The following TNN variants were observed in gnomAD, a reference collection of about 807,000 sequenced individuals.
The protein encoded by TNN is tenascin-N.
In TNN, 122 loss-of-function variants were observed where a neutral mutation model predicts 134.4. The observed-to-expected ratio is 0.91, with a 90% CI of 0.78 to 1.06. The LOEUF is 1.06. TNN is among the 50% of genes least tolerant of loss of function. The pLI is 0.00. For synonymous variants in TNN, 710 were observed against 670.3 expected, an observed-to-expected ratio of 1.06 and a Z score of -0.91; for missense variants, 1,739 against 1,699.4, an observed-to-expected ratio of 1.02 and a Z score of -0.41.
intron 8 of TNN, 112 bp downstream of exon 8, chr1:175,097,795 A>C: frequency 7.1e-7 from 1 of 1,410,172 alleles, no homozygotes; most frequent in Non-Finnish European, 9.6e-7. Context: ...AGAAGTCTTA[A>C]AGATGAAAGA....
chr1:175,077,574 G>A lies in TNN; in HGVS notation c.156G>A (p.Lys52=). 6.2e-7 allele frequency: 1 copy of A among 1,614,232 alleles called. No homozygotes were observed. Among genetic ancestry groups the A allele is most frequent in the Admixed American group, 1.7e-5 (1 of 60,038 alleles). Residue 52 remains lysine, a synonymous_variant, in exon 2 of 19, where the codon AAG becomes AAA. Transcript: ENST00000239462. The stretch of plus-strand genomic sequence containing the variant: ...ACACCTACAAGATCGATGTGCCCAA[G>A]TCTGCCTTGGTTCAGGTTGACGCTG... The part of the protein sequence containing the change: ...VSHTYKIDVP[K]SALVQVDADP...
chr1:175,082,775 C>T (rs545742351), intron 4 of TNN, among the ~76,000 whole-genome samples: 187 of 152,142 alleles, frequency 1.2e-3, no homozygotes, highest in Middle Eastern at 3.4e-3. Flanking sequence ...AAGGTGGGGG[C>T]GTGACTGATG....
In TNN at chr1:175,128,595, T is replaced by A. The variant is rs201502431; in HGVS notation, c.3179T>A (p.Val1060Asp). ...SRNVSTTLST[V>D]GARFPHPSDC... is the part of the protein sequence containing the mutation. ...AACACTCTCTCTGCTTGGCTCCCAG[T>A]TGGTGCCCGTTTCCCACACCCTTCG... is the stretch of plus-strand genomic sequence containing the variant. The change falls in exon 15 of 19, where the codon GTT (valine) becomes GAT (aspartate). Residue 1060 changes from valine (V) to aspartate (D), a missense_variant and splice_region_variant. Physicochemically the swap from Val to Asp is radical, Grantham distance 152 (BLOSUM62 -3). Coordinates refer to ENST00000239462, the MANE Select transcript of TNN (RefSeq NM_022093.2). The A allele has an allele frequency of 3.1e-6, 5 of 1,609,720 alleles. No individual in the cohort carries two copies. The highest frequency in any genetic ancestry group is 4.2e-6 in the Non-Finnish European group (5 of 1,177,808).
chr1:175,119,466 C>G (rs1037922104), intron 11 of TNN, among the ~76,000 whole-genome samples: 1 of 152,042 alleles, frequency 6.6e-6, no homozygotes, highest in Non-Finnish European at 1.5e-5. Flanking sequence ...TGCTGACCTC[C>G]TATCTTATCC....
chr1:175,113,880 A>G (rs886174256), intron 9 of TNN, among the ~76,000 whole-genome samples: 1 of 151,924 alleles, frequency 6.6e-6, no homozygotes, highest in African/African-American at 2.4e-5. Context: ...AATTCCATTC[A>G]TTGAATTCAT....
At chr1:175,113,438 G>A (rs962545168) in intron 9 of TNN, among the ~76,000 whole-genome samples, 2 of 151,958 alleles carry the variant, frequency 1.3e-5, no homozygotes, top group Non-Finnish European at 2.9e-5. Flanking sequence ...TTGTCTAATG[G>A]GATTCCCTTA....
chr1:175,140,805 G>A (rs2101854110), intron 17 of TNN, among the ~76,000 whole-genome samples: 1 of 152,264 alleles, frequency 6.6e-6, no homozygotes, highest in Admixed American at 6.5e-5. Context: ...AATTACAATG[G>A]TAGGGTTAGT....
chr1:175,113,954 A>T (rs1574161944), intron 9 of TNN, among the ~76,000 whole-genome samples: 1 of 151,704 alleles, frequency 6.6e-6, no homozygotes, highest in East Asian at 1.9e-4. Flanking sequence ...ATCATGTATT[A>T]TTTTTCTGAT....
At chr1:175,123,784 G>A in intron 12 of TNN, 121 bp downstream of exon 12, 4 of 1,454,584 alleles carry the variant, frequency 2.7e-6, no homozygotes, top group Non-Finnish European at 3.7e-6. Flanking sequence ...ATTCTTCAAA[G>A]TGGTTCCTTT....
At chr1:175,078,143 C>A (rs1009270679) in intron 2 of TNN, among the ~76,000 whole-genome samples, 1 of 152,134 alleles carries the variant, frequency 6.6e-6, no homozygotes, top group African/African-American at 2.4e-5. Context: ...AGAGAGGAAG[C>A]AATGGGATAC....
intron 9 of TNN, among the ~76,000 whole-genome samples, chr1:175,109,916 T>C (rs992790726): frequency 9.2e-5 from 14 of 152,110 alleles, no homozygotes; most frequent in African/African-American, 2.7e-4. Flanking sequence ...TTTTAGTTTT[T>C]TGAGGAAACT....
chr1:175,079,468 T>C lies in TNN; in HGVS notation c.545T>C (p.Val182Ala). ...PGACSGHGRC[V>A]DGRCLCHEPY... is the part of the protein sequence containing the mutation. ...GCGTGCAGCGGCCACGGGCGTTGCG[T>C]GGACGGGCGCTGCCTGTGCCATGAG... The change falls in exon 3 of 19, where the codon GTG (valine) becomes GCG (alanine). Residue 182 changes from valine to alanine, a missense_variant. Transcript: ENST00000239462. 6.4e-7 allele frequency: 1 copy of C among 1,564,468 alleles called. No individual in the cohort carries two copies. Among genetic ancestry groups the C allele is most frequent in the Non-Finnish European group, 8.6e-7 (1 of 1,157,250 alleles).
Position 175,079,722 on chromosome 1 carries a change from G to A in TNN, c.784+15G>A. On this transcript the variant is annotated intron_variant, in intron 3 of 18. Coordinates refer to ENST00000239462, the MANE Select transcript of TNN (RefSeq NM_022093.2). ...CTGTGCCCAGGGTGAGAGCGGAGAT[G>A]TGCCCTCGGGCCGCCGGACTCTTCT... 1 of 1,562,942 alleles carries A rather than the reference G, an allele frequency of 6.4e-7. No individual in the cohort carries two copies. Among genetic ancestry groups the A allele is most frequent in the East Asian group, 2.3e-5 (1 of 44,136 alleles).
intron 7 of TNN, among the ~76,000 whole-genome samples, chr1:175,094,649 T>A (rs1674529912): frequency 6.6e-6 from 1 of 152,224 alleles, no homozygotes; most frequent in African/African-American, 2.4e-5. Context: ...TTTTAGACCG[T>A]GGAAATAGTT....
At chr1:175,106,303 C>T (rs1674850565) in intron 9 of TNN, among the ~76,000 whole-genome samples, 1 of 145,660 alleles carries the variant, frequency 6.9e-6, no homozygotes, top group Admixed American at 6.9e-5. Context: ...AGAGTGACAC[C>T]TTTTGTTCTC....
Position 175,135,820 on chromosome 1 carries a change from G to A in TNN, c.3331-25G>A, listed in dbSNP as rs747118996. 3.2e-6 allele frequency: 5 copies of A among 1,583,668 alleles called. No homozygotes were observed. In the South Asian group the frequency reaches 3.3e-5, roughly 11 times the overall value. ...ACCTATGTCTGTTTGGAGGGTCAGA[G>A]TGAAGTATTCATCTTCCTTCTCAGG... On this transcript the variant is annotated intron_variant, in intron 15 of 18. Transcript: ENST00000239462.
chr1:175,139,840 C>T (rs1381956938), intron 17 of TNN, among the ~76,000 whole-genome samples: 1 of 152,162 alleles, frequency 6.6e-6, no homozygotes, highest in African/African-American at 2.4e-5. Context: ...TGTGATGTCA[C>T]TAGGTAATTT....
intron 9 of TNN, among the ~76,000 whole-genome samples, chr1:175,115,496 T>C (rs1248911072): frequency 2.0e-5 from 3 of 152,116 alleles, no homozygotes; most frequent in African/African-American, 4.8e-5. Flanking sequence ...TGTGGAGTCG[T>C]TCCACTGCTG....
intron 8 of TNN, 32 bp from the exon 9 acceptor site, chr1:175,098,300 A>G: frequency 6.2e-7 from 1 of 1,613,858 alleles, no homozygotes; most frequent in Non-Finnish European, 8.5e-7. Context: ...ATGGCTTCAG[A>G]GCTTAAACCT....
Sources: allele counts gnomAD v4.1 joint callset (sites outside exome capture counted in the v4.1 genomes callset), GRCh38; gene constraint gnomAD v4.1.1; transcripts MANE v1.5; gene names NCBI Gene and HGNC (gene_info 2026-07-23, HGNC 2026-07-21).